ADAMTS20: variants seen among roughly 807,000 people sequenced by gnomAD.
ADAMTS20 encodes A disintegrin and metalloproteinase with thrombospondin motifs 20.
In ADAMTS20, 225 loss-of-function variants were observed where a neutral mutation model predicts 260.1. The observed-to-expected ratio is 0.87, with a 90% confidence interval of 0.78 to 0.97. The LOEUF (loss-of-function observed/expected upper bound fraction) is 0.97, where lower values mean the gene tolerates loss of function less well. ADAMTS20 is among the 50% of genes least tolerant of loss of function. The pLI, the probability that ADAMTS20 is intolerant of heterozygous loss-of-function variation, is 0.00. For synonymous variants in ADAMTS20, 802 were observed against 769.5 expected (o/e 1.04, Z -0.70); for missense variants, 2,400 against 2,337.7 (o/e 1.03, Z -0.55).
In ADAMTS20 at chr12:43,493,174, T is replaced by C. The variant is rs1164484967; in HGVS notation, c.947A>G (p.Glu316Gly). The change falls in exon 5 of 39, where the codon GAG (glutamate) becomes GGG (glycine). Residue 316 changes from glutamate (E) to glycine (G), a missense_variant. Glu to Gly is a moderately conservative substitution (Grantham distance 98). Coordinates refer to ENST00000389420, the MANE Select transcript of ADAMTS20 (RefSeq NM_025003.5). ...VVVKLVMIHREEEGPVINFDG... is the reference protein window; with the variant it reads ...VVVKLVMIHRGEEGPVINFDG... ...AATTTTAGACCTGTTTCTTACCTCCTCACGGTGAATCATAACTAATTTTAC... is the reference window on the plus strand; with the variant it reads ...AATTTTAGACCTGTTTCTTACCTCCCCACGGTGAATCATAACTAATTTTAC... The C allele has an allele frequency of 6.4e-7, 1 of 1,557,814 alleles. No individual in the cohort carries two copies. Among genetic ancestry groups the C allele is most frequent in the Non-Finnish European group, 8.7e-7 (1 of 1,149,142 alleles).
Position 43,431,294 on chromosome 12 carries a change from G to T in ADAMTS20, c.3261+38C>A. ...CACAACTTTTGTGCTATTCTGTAAAGATAGATCAAATTAGAAAAACCCATA... is the reference window on the plus strand; with the variant it reads ...CACAACTTTTGTGCTATTCTGTAAATATAGATCAAATTAGAAAAACCCATA... On this transcript the variant is annotated intron_variant, in intron 22 of 38. Transcript: ENST00000389420. The T allele has an allele frequency of 2.5e-6, 4 of 1,598,038 alleles. 1 individual carries two copies. In the African/African-American group the frequency reaches 4.0e-5, roughly 16 times the overall value.
chr12:43,381,693 A>G (rs1452042880), intron 31 of ADAMTS20, among the ~76,000 whole-genome samples: 2 of 137,334 alleles, frequency 1.5e-5, no homozygotes, highest in African/African-American at 2.7e-5. Flanking sequence ...AGGTGGGAGG[A>G]TTGCTTGAGC....
intron 29 of ADAMTS20, among the ~76,000 whole-genome samples, chr12:43,391,212 A>G (rs1940589552): frequency 6.6e-6 from 1 of 152,196 alleles, no homozygotes; most frequent in South Asian, 2.1e-4. Flanking sequence ...AAGAGAACTA[A>G]TTCCAACAAT....
chr12:43,434,470 A>G lies in ADAMTS20; in HGVS notation c.2594-99T>C, dbSNP rs1470483812. 7.1e-6 allele frequency: 9 copies of G among 1,275,428 alleles called. 1 individual carries two copies. Among genetic ancestry groups the G allele is most frequent in the Non-Finnish European group, 8.4e-6 (8 of 949,076 alleles). 79.0% of individuals were successfully genotyped at this position (1,275,428 alleles called of 1,614,324 possible). A position where few individuals can be genotyped will look rare whatever the true frequency, so the allele number is the denominator to read the frequency against. ...TGCTAATAGCTTAAAGGAGCCAGCT[A>G]AGCAAGTAAAAATTTCCAATGCAAC... On this transcript the variant is annotated intron_variant, in intron 18 of 38. Transcript: ENST00000389420.
chr12:43,403,227 C>T (rs577063271), intron 28 of ADAMTS20, among the ~76,000 whole-genome samples: 13 of 152,050 alleles, frequency 8.5e-5, no homozygotes, highest in South Asian at 4.2e-4. Flanking sequence ...ATTTGAGGTG[C>T]GGATTTTTTT....
At chr12:43,420,427 T>C (rs1344684387) in intron 28 of ADAMTS20, among the ~76,000 whole-genome samples, 4 of 152,234 alleles carry the variant, frequency 2.6e-5, no homozygotes, top group Admixed American at 1.3e-4. Flanking sequence ...AAGTGTATTA[T>C]AAAATTTATT....
chr12:43,467,981 G>A (rs1182985518), intron 8 of ADAMTS20, among the ~76,000 whole-genome samples: 2 of 152,036 alleles, frequency 1.3e-5, no homozygotes, highest in African/African-American at 4.8e-5. Flanking sequence ...TACATTTGTA[G>A]GGGTTTCTGA....
intron 3 of ADAMTS20, among the ~76,000 whole-genome samples, chr12:43,509,624 G>C (rs1488970716): frequency 2.0e-5 from 3 of 152,032 alleles, no homozygotes; most frequent in Admixed American, 1.3e-4. Context: ...CACGTAAGAA[G>C]AAGAAAGCAA....
Position 43,439,945 on chromosome 12 carries a change from A to C in ADAMTS20, c.2415T>G (p.Val805=), listed in dbSNP as rs1941629666. 5.0e-6 allele frequency: 8 copies of C among 1,605,172 alleles called. No homozygotes were observed. Among genetic ancestry groups the C allele is most frequent in the Non-Finnish European group, 6.8e-6 (8 of 1,174,852 alleles). The change falls in exon 17 of 39, where the codon GTT becomes GTG. Residue 805 remains valine, a synonymous_variant. Coordinates refer to ENST00000389420, the MANE Select transcript of ADAMTS20 (RefSeq NM_025003.5). The part of the protein sequence containing the change: ...VIEYSGSNNA[V]ERINSTNRQE... ...GTCGATTAGTACTATTAATTCTTTC[A>C]ACTGCGTTATTTGATCCACTGTATT...
intron 28 of ADAMTS20, among the ~76,000 whole-genome samples, chr12:43,414,397 G>A (rs1168090165): frequency 6.6e-6 from 1 of 151,860 alleles, no homozygotes; most frequent in Non-Finnish European, 1.5e-5. Context: ...GCTATTCCTG[G>A]GATTGGATGA....
chr12:43,396,990 A>C (rs2137248705), intron 29 of ADAMTS20, among the ~76,000 whole-genome samples: 1 of 152,316 alleles, frequency 6.6e-6, no homozygotes, highest in African/African-American at 2.4e-5. Flanking sequence ...ACTGCTGGAC[A>C]GATCTGTGGC....
chr12:43,443,646 G>A (rs774385155), intron 16 of ADAMTS20, 145 bp downstream of exon 16: 50 of 568,890 alleles, frequency 8.8e-5, no homozygotes, highest in Non-Finnish European at 1.5e-4. Flanking sequence ...AAGAACATAT[G>A]TATAGGGAGC....
chr12:43,405,322 G>T (rs948207706), intron 28 of ADAMTS20, among the ~76,000 whole-genome samples: 2 of 147,902 alleles, frequency 1.4e-5, no homozygotes, highest in Non-Finnish European at 3.0e-5. Flanking sequence ...GGAGACTGAG[G>T]TGTGATGACT....
chr12:43,542,692 C>T (rs1326181531), intron 2 of ADAMTS20, among the ~76,000 whole-genome samples: 1 of 152,088 alleles, frequency 6.6e-6, no homozygotes, highest in Admixed American at 6.5e-5. Flanking sequence ...AAAATAAATG[C>T]CTTTTAGGCT....
chr12:43,428,803 T>G lies in ADAMTS20; in HGVS notation c.3490-4A>C, dbSNP rs200227611. 6.2e-7 allele frequency: 1 copy of G among 1,600,110 alleles called. No homozygotes were observed. The highest frequency in any genetic ancestry group is 8.5e-7 in the Non-Finnish European group (1 of 1,171,642). On this transcript the variant is annotated splice_region_variant and splice_polypyrimidine_tract_variant and intron_variant, in intron 24 of 38. Coordinates refer to ENST00000389420, the MANE Select transcript of ADAMTS20 (RefSeq NM_025003.5). ...CTCTTCCACAAGATACGGAGCACTT[T>G]TTAAGAAATCAAATTGTATCCGGGC... is the stretch of plus-strand genomic sequence containing the variant.
chr12:43,383,014 T>C (rs1000779078), intron 31 of ADAMTS20, among the ~76,000 whole-genome samples: 3 of 152,150 alleles, frequency 2.0e-5, no homozygotes, highest in Non-Finnish European at 4.4e-5. Flanking sequence ...GATCCACTTA[T>C]ATAAAACTCT....
At chr12:43,382,453 A>T (rs1332019592) in intron 31 of ADAMTS20, among the ~76,000 whole-genome samples, 1 of 152,172 alleles carries the variant, frequency 6.6e-6, no homozygotes, top group Non-Finnish European at 1.5e-5. Flanking sequence ...TACAGAAAGC[A>T]GATTAGTGGT....
Position 43,492,495 on chromosome 12 carries a change from A to T in ADAMTS20, c.1076+10T>A. On this transcript the variant is annotated intron_variant, in intron 6 of 38. Coordinates refer to ENST00000389420, the MANE Select transcript of ADAMTS20 (RefSeq NM_025003.5). ...GGATTGTATGGGAAGGGTTATTTCT[A>T]TAATCATACCTAGTGATAAGAACAG... The T allele has an allele frequency of 6.2e-7, 1 of 1,613,342 alleles. No individual in the cohort carries two copies. Among genetic ancestry groups the T allele is most frequent in the East Asian group, 2.2e-5 (1 of 44,874 alleles).
At chr12:43,416,165 C>T (rs916670432) in intron 28 of ADAMTS20, among the ~76,000 whole-genome samples, 6 of 152,324 alleles carry the variant, frequency 3.9e-5, no homozygotes, top group Admixed American at 1.3e-4. Context: ...CACTTGAGTG[C>T]TCTGGGTGAG....
Sources: allele counts gnomAD v4.1 joint callset (sites outside exome capture counted in the v4.1 genomes callset), GRCh38; gene constraint gnomAD v4.1.1; transcripts MANE v1.5; gene names NCBI Gene and HGNC (gene_info 2026-07-23, HGNC 2026-07-21).